The following BAIAP2L2 variants were observed in gnomAD, a reference collection of about 807,000 sequenced individuals.
BAIAP2L2 encodes BAR/IMD domain containing adaptor protein 2 like 2.
A neutral mutation model predicts 60.4 loss-of-function variants in BAIAP2L2; 65 were observed. The ratio of observed to expected loss-of-function variants is 1.08; its 90% confidence interval spans 0.88 to 1.32. BAIAP2L2 has a LOEUF of 1.32. Ranked by LOEUF, BAIAP2L2 falls within the 40% of genes most tolerant of loss-of-function variation. The pLI is 0.00. For missense variants in BAIAP2L2, 836 were observed against 741.2 expected (o/e 1.13, Z -1.48); for synonymous variants, 344 against 301.7 (o/e 1.14, Z -1.45).
intron 7 of BAIAP2L2, 96 bp from the exon 8 acceptor site, chr22:38,089,770 T>C: frequency 8.8e-7 from 1 of 1,133,268 alleles, no homozygotes; most frequent in South Asian, 4.5e-5. Flanking sequence ...GCTCAGGCCC[T>C]ACCAGCTCGG....
chr22:38,097,908 G>A (rs1237120860), intron 6 of BAIAP2L2, among the ~76,000 whole-genome samples, 155 bp downstream of exon 6: 1 of 152,140 alleles, frequency 6.6e-6, no homozygotes, highest in East Asian at 1.9e-4. Context: ...CACCCCACCA[G>A]GGGCTGGCTG....
intron 4 of BAIAP2L2, among the ~76,000 whole-genome samples, chr22:38,099,798 T>A (rs2086527066): frequency 6.6e-6 from 1 of 152,198 alleles, no homozygotes; most frequent in South Asian, 2.1e-4. Flanking sequence ...GCAGCCTCTG[T>A]CCACACACCC....
At chr22:38,097,760 G>C (rs1402495216) in intron 6 of BAIAP2L2, among the ~76,000 whole-genome samples, 1 of 152,070 alleles carries the variant, frequency 6.6e-6, no homozygotes, top group Non-Finnish European at 1.5e-5. Flanking sequence ...CCATGTTCAA[G>C]CGAGCAATTT....
At position 38,088,735 on chromosome 22, in the gene BAIAP2L2, G is replaced by C. The variant is rs762549099; in HGVS notation, c.1118+13C>G. 6.3e-7 allele frequency: 1 copy of C among 1,584,628 alleles called. No homozygotes were observed. Among genetic ancestry groups the C allele is most frequent in the African/African-American group, 1.3e-5 (1 of 74,276 alleles). On this transcript the variant is annotated intron_variant, in intron 10 of 13. Coordinates refer to ENST00000381669, the MANE Select transcript of BAIAP2L2 (RefSeq NM_025045.6). Reference sequence around the variant, plus strand: ...CTCAACCCACCCCCGGCCCCTCCAAGGCTCCCACTCACGCGGACGAGCCCT... The same window carrying C: ...CTCAACCCACCCCCGGCCCCTCCAACGCTCCCACTCACGCGGACGAGCCCT...
intron 13 of BAIAP2L2, 88 bp downstream of exon 13, chr22:38,085,598 C>A: frequency 6.8e-7 from 1 of 1,472,464 alleles, no homozygotes; most frequent in South Asian, 1.1e-5. Flanking sequence ...ATCCTCCTGC[C>A]CCAGTCTCCC....
At chr22:38,110,429 C>A in intron 1 of BAIAP2L2, 46 bp downstream of exon 1, 1 of 1,590,128 alleles carries the variant, frequency 6.3e-7, no homozygotes, top group Non-Finnish European at 8.6e-7. Context: ...ATTTCTGTGC[C>A]CTGGGAGGAG....
At chr22:38,099,606 T>C (rs1007867590) in intron 4 of BAIAP2L2, among the ~76,000 whole-genome samples, 9 of 152,174 alleles carry the variant, frequency 5.9e-5, no homozygotes, top group Non-Finnish European at 1.3e-4. Flanking sequence ...TTCGATTCTG[T>C]GGGCCCAGGT....
chr22:38,106,817 T>C (rs976044486), intron 4 of BAIAP2L2, among the ~76,000 whole-genome samples: 2 of 152,124 alleles, frequency 1.3e-5, no homozygotes, highest in African/African-American at 4.8e-5. Flanking sequence ...CTTCTCTCCA[T>C]CTAGCCAAGC....
chr22:38,108,645 G>A (rs980480397), intron 2 of BAIAP2L2, among the ~76,000 whole-genome samples: 1 of 152,140 alleles, frequency 6.6e-6, no homozygotes, highest in East Asian at 1.9e-4. Context: ...CGGCCACAGC[G>A]GACGGGTACA....
chr22:38,109,265 C>T, intron 1 of BAIAP2L2, 57 bp from the exon 2 acceptor site: 2 of 1,405,280 alleles, frequency 1.4e-6, no homozygotes, highest in Non-Finnish European at 1.0e-6. Flanking sequence ...CGAGAAGGAA[C>T]CACGGATGGA....
intron 4 of BAIAP2L2, among the ~76,000 whole-genome samples, chr22:38,106,032 C>T (rs555794424): frequency 1.3e-4 from 20 of 152,276 alleles, no homozygotes; most frequent in African/African-American, 4.3e-4. Flanking sequence ...CTGCCCAGCC[C>T]AGGTGTGCCA....
Position 38,085,663 on chromosome 22 carries a change from T to C in BAIAP2L2, c.1514+23A>G, listed in dbSNP as rs755943877. On this transcript the variant is annotated intron_variant, in intron 13 of 13. Transcript: ENST00000381669. ...CGCACCTGCCACCCTCCTCACTGTT[T>C]GGGCCCCCATGTGAGGACTCACCTC... The C allele has an allele frequency of 1.6e-5, 26 of 1,611,536 alleles. 1 individual carries two copies. The Admixed American group carries it at 2.7e-4, about 17-fold the overall frequency.
At chr22:38,098,033 T>TGCAG in intron 6 of BAIAP2L2, 30 bp downstream of exon 6, 24 of 626,946 alleles carry the variant, frequency 3.8e-5, no homozygotes, top group Non-Finnish European at 5.1e-5. Context: ...CCGCCCTTCC[T>TGCAG]GGCCCACCCC....
intron 13 of BAIAP2L2, 27 bp from the exon 14 acceptor site, chr22:38,085,402 G>A (rs1336696131): frequency 6.2e-7 from 1 of 1,603,270 alleles, no homozygotes. Context: ...AGAATGGGGT[G>A]AGAAGGGCAG....
Position 38,086,236 on chromosome 22 carries a change from G to A in BAIAP2L2, c.1467+6C>T, listed in dbSNP as rs760345347. 1 of 1,610,080 alleles carries A rather than the reference G, an allele frequency of 6.2e-7. No homozygotes were observed. Among genetic ancestry groups the A allele is most frequent in the Admixed American group, 1.7e-5 (1 of 59,944 alleles). ...AGGCCCCAAGAGAGGGCGGGCAAGGGCTCACCTTGACGTCAGTGGCAACTG... is the reference window on the plus strand; with the variant it reads ...AGGCCCCAAGAGAGGGCGGGCAAGGACTCACCTTGACGTCAGTGGCAACTG... On this transcript the variant is annotated splice_donor_region_variant and intron_variant, in intron 12 of 13. Coordinates refer to ENST00000381669, the MANE Select transcript of BAIAP2L2 (RefSeq NM_025045.6).
chr22:38,089,772 C>G (rs1013600542), intron 7 of BAIAP2L2, 98 bp from the exon 8 acceptor site: 5 of 1,128,462 alleles, frequency 4.4e-6, no homozygotes, highest in Non-Finnish European at 5.6e-6. Flanking sequence ...TCAGGCCCTA[C>G]CAGCTCGGGA....
intron 7 of BAIAP2L2, among the ~76,000 whole-genome samples, chr22:38,095,013 A>G (rs577383631): frequency 4.9e-4 from 75 of 152,224 alleles, no homozygotes; most frequent in African/African-American, 1.7e-3. Context: ...TTAGCTGGGC[A>G]TGGTGGCGCA....
In BAIAP2L2 at chr22:38,086,467, A is replaced by C; in HGVS notation, c.1260-18T>G. 1 of 1,477,786 alleles carries C rather than the reference A, an allele frequency of 6.8e-7. No individual in the cohort carries two copies. 91.5% of individuals were successfully genotyped at this position (1,477,786 alleles called of 1,614,324 possible). A position where few individuals can be genotyped will look rare whatever the true frequency, so the allele number is the denominator to read the frequency against. ...GGTAGGACCTAAGTCCAGAGAAAGG[A>C]GGGGGAAGGAAAGGGGTTGGGGCCT... is the stretch of plus-strand genomic sequence containing the variant. On this transcript the variant is annotated intron_variant, in intron 11 of 13. Transcript: ENST00000381669.
intron 7 of BAIAP2L2, among the ~76,000 whole-genome samples, chr22:38,096,242 C>G (rs56008516): frequency 6.6e-6 from 1 of 152,092 alleles, no homozygotes; most frequent in East Asian, 1.9e-4. Flanking sequence ...AGCCAAAAAA[C>G]GCCAAACAAC....
Sources: gnomAD v4.1 joint callset for allele counts (sites outside exome capture counted in the v4.1 genomes callset) on GRCh38, gnomAD v4.1.1 for gene constraint, MANE v1.5 for transcripts, NCBI Gene and HGNC (gene_info 2026-07-23, HGNC 2026-07-21) for gene names.